SLC41A2: variants seen among roughly 807,000 people sequenced by gnomAD.
SLC41A2 encodes solute carrier family 41 member 2.
Under a neutral mutation model 58.3 loss-of-function variants are expected in SLC41A2, and 32 were observed. The ratio of observed to expected loss-of-function variants is 0.55; its 90% CI spans 0.41 to 0.74. The LOEUF is 0.74. Among genes scored for constraint, SLC41A2 ranks in the 30% least tolerant of loss-of-function variants. SLC41A2 has a pLI of 0.00. For missense variants in SLC41A2, 514 were observed against 680.6 expected (o/e 0.76, Z 2.72); for synonymous variants, 190 against 235.0 (o/e 0.81, Z 1.75).
chr12:104,901,329 A>C (rs1395827066), intron 3 of SLC41A2, among the ~76,000 whole-genome samples: 1 of 152,118 alleles, frequency 6.6e-6, no homozygotes, highest in Non-Finnish European at 1.5e-5. Context: ...ACTGTACTTG[A>C]TTCATTTTCC....
At chr12:104,933,686 CACAT>C (rs1442604796) in intron 1 of SLC41A2, among the ~76,000 whole-genome samples, 88 of 141,942 alleles carry the variant, frequency 6.2e-4, no homozygotes, top group African/African-American at 2.2e-3. Flanking sequence ...TACACACACA[CACAT>C]ACACACACAC....
intron 1 of SLC41A2, among the ~76,000 whole-genome samples, chr12:104,940,432 G>T (rs966448743): frequency 3.0e-4 from 45 of 151,388 alleles, no homozygotes; most frequent in African/African-American, 1.1e-3. Context: ...CACCAACATG[G>T]CACATGTATA....
intron 5 of SLC41A2, 24 bp from the exon 6 acceptor site, chr12:104,886,463 T>A: frequency 6.2e-7 from 1 of 1,605,712 alleles, no homozygotes; most frequent in African/African-American, 1.3e-5. Context: ...TGTTCATTAC[T>A]TTTTAGGCTA....
intron 2 of SLC41A2, among the ~76,000 whole-genome samples, chr12:104,915,490 T>C (rs148947383): frequency 0.012 from 1,888 of 152,296 alleles, 49 homozygotes; most frequent in African/African-American, 0.043. Flanking sequence ...TTCACATCCC[T>C]TATAAGTTAG....
At chr12:104,868,886 A>G (rs1011620031) in intron 6 of SLC41A2, among the ~76,000 whole-genome samples, 4 of 152,236 alleles carry the variant, frequency 2.6e-5, no homozygotes, top group African/African-American at 9.6e-5. Flanking sequence ...TGCCAGACTC[A>G]AAAGGTCACA....
At chr12:104,815,409 T>TTATGCA (rs1441524991) in intron 10 of SLC41A2, among the ~76,000 whole-genome samples, 1 of 152,156 alleles carries the variant, frequency 6.6e-6, no homozygotes, top group Non-Finnish European at 1.5e-5. Context: ...CCTCAGCTAA[T>TTATGCA]TATGCATGTT....
intron 10 of SLC41A2, among the ~76,000 whole-genome samples, chr12:104,809,036 A>G (rs1004747033): frequency 2.0e-5 from 3 of 152,322 alleles, no homozygotes; most frequent in East Asian, 3.9e-4. Flanking sequence ...TCTATTGTCT[A>G]CTAGCTGACT....
intron 2 of SLC41A2, among the ~76,000 whole-genome samples, chr12:104,912,022 G>A (rs931363736): frequency 1.5e-4 from 23 of 152,064 alleles, no homozygotes; most frequent in Admixed American, 1.3e-4. Flanking sequence ...TTCACTGATC[G>A]TTATGTTCCA....
chr12:104,928,992 C>A (rs1292755799), intron 1 of SLC41A2, among the ~76,000 whole-genome samples: 1 of 152,158 alleles, frequency 6.6e-6, no homozygotes, highest in Non-Finnish European at 1.5e-5. Context: ...CTTGAAATCC[C>A]ACAGTGGACA....
At chr12:104,866,679 T>C in intron 6 of SLC41A2, 100 bp from the exon 7 acceptor site, 1 of 930,706 alleles carries the variant, frequency 1.1e-6, no homozygotes, top group South Asian at 2.4e-5. Context: ...TACGACACTA[T>C]CAAACATATT....
chr12:104,944,491 T>C (rs1281519914), intron 1 of SLC41A2, among the ~76,000 whole-genome samples: 2 of 152,250 alleles, frequency 1.3e-5, no homozygotes, highest in East Asian at 3.8e-4. Flanking sequence ...AGGTACACAG[T>C]ATCATGTTAC....
intron 1 of SLC41A2, among the ~76,000 whole-genome samples, chr12:104,932,342 T>C (rs566101431): frequency 6.6e-6 from 1 of 152,172 alleles, no homozygotes; most frequent in African/African-American, 2.4e-5. Flanking sequence ...AAGGATATAG[T>C]AGGCAGGGTG....
intron 1 of SLC41A2, among the ~76,000 whole-genome samples, chr12:104,942,730 T>C (rs904500266): frequency 8.5e-5 from 13 of 152,322 alleles, no homozygotes; most frequent in African/African-American, 2.6e-4. Context: ...TATAATTGAT[T>C]TACTCATCTA....
rs1414543299 is a variant in SLC41A2, at chr12:104,853,905, T to C, written c.1255+7386A>G. ...ACTTACGGGTGCATGTCACCATGCC[T>C]GGCTGATTTTTTTTTTTTTTTTTTT... On this transcript the variant is annotated intron_variant, in intron 8 of 10. Coordinates refer to ENST00000258538, the MANE Select transcript of SLC41A2 (RefSeq NM_001352171.3). 2.2e-4 allele frequency among the ~76,000 whole-genome samples: 27 copies of C among 120,880 alleles called. No homozygotes were observed. The Admixed American group carries it at 2.3e-3, about 10-fold the overall frequency. 79.3% of individuals were successfully genotyped at this position (120,880 alleles called of 152,430 possible).
chr12:104,891,065 C>T (rs1380550055), intron 4 of SLC41A2, among the ~76,000 whole-genome samples: 1 of 152,156 alleles, frequency 6.6e-6, no homozygotes, highest in Non-Finnish European at 1.5e-5. Flanking sequence ...AGAAAAAACC[C>T]TCTCCCCCAA....
At chr12:104,837,359 G>A (rs931146581) in intron 10 of SLC41A2, among the ~76,000 whole-genome samples, 19 of 152,142 alleles carry the variant, frequency 1.2e-4, no homozygotes, top group African/African-American at 4.6e-4. Context: ...GTCAAAGGCT[G>A]AGGGATTCAG....
At chr12:104,951,065 A>G (rs1229989297) in intron 1 of SLC41A2, among the ~76,000 whole-genome samples, 1 of 152,210 alleles carries the variant, frequency 6.6e-6, no homozygotes, top group African/African-American at 2.4e-5. Context: ...AAAAGTAATT[A>G]ACAGGAAGAA....
chr12:104,948,207 A>T (rs1360709811), intron 1 of SLC41A2, among the ~76,000 whole-genome samples: 1 of 152,200 alleles, frequency 6.6e-6, no homozygotes. Context: ...ACTAAGTCCC[A>T]GTAGAATACA....
intron 2 of SLC41A2, among the ~76,000 whole-genome samples, chr12:104,922,874 A>G (rs12368856): frequency 0.075 from 11,393 of 152,166 alleles, 484 homozygotes; most frequent in Middle Eastern, 0.11. Context: ...AAGAAGATGA[A>G]CCTCAGAAAC....
Sources: allele counts gnomAD v4.1 joint callset (sites outside exome capture counted in the v4.1 genomes callset), GRCh38; gene constraint gnomAD v4.1.1; transcripts MANE v1.5; gene names NCBI Gene and HGNC (gene_info 2026-07-23, HGNC 2026-07-21).